The following CNTN4 variants were observed in gnomAD, a reference collection of about 807,000 sequenced individuals.
CNTN4 encodes contactin-4.
Under a neutral mutation model 122.5 loss-of-function variants are expected in CNTN4, and 77 were observed. The observed-to-expected ratio is 0.63, with a 90% CI of 0.52 to 0.76. The LOEUF is 0.76. Among genes scored for constraint, CNTN4 ranks in the 30% least tolerant of loss-of-function variants. The probability of loss-of-function intolerance (pLI) is 0.00; values close to 1 mark genes in which losing one functional copy is unlikely to be tolerated. For synonymous variants in CNTN4, 512 were observed against 447.0 expected (o/e 1.15, Z -1.83); for missense variants, 1,256 against 1,259.1 (o/e 1.00, Z 0.04).
chr3:2,286,222 TGC>T (rs201708048), intron 2 of CNTN4, among the ~76,000 whole-genome samples: 3 of 96,978 alleles, frequency 3.1e-5, no homozygotes, highest in South Asian at 7.9e-4. Flanking sequence ...TGTGTGTGTG[TGC>T]ATACACCCCC....
At chr3:2,313,238 C>A (rs1304926327) in intron 2 of CNTN4, among the ~76,000 whole-genome samples, 3 of 151,380 alleles carry the variant, frequency 2.0e-5, no homozygotes, top group Non-Finnish European at 4.4e-5. Context: ...TACAGAAAAA[C>A]AAAAATATAG....
intron 4 of CNTN4, among the ~76,000 whole-genome samples, chr3:2,593,005 A>G (rs2080573658): frequency 6.6e-6 from 1 of 152,190 alleles, no homozygotes; most frequent in Non-Finnish European, 1.5e-5. Flanking sequence ...TGAATTGGAT[A>G]TGTTTAAGCA....
rs565305972 is a variant in CNTN4, at chr3:2,647,114, C to G, written c.55+75556C>G. ...TAAAAAGCAAGGCCAGGCACGGTGG[C>G]TCACACCTGTAACCCCAGCACTTTG... is the stretch of plus-strand genomic sequence containing the variant. On this transcript the variant is annotated intron_variant, in intron 4 of 24. Transcript: ENST00000418658. Among the ~76,000 whole-genome samples the G allele has an allele frequency of 1.3e-4, 20 of 152,228 alleles. No individual in the cohort carries two copies. The East Asian group carries it at 3.3e-3, about 25-fold the overall frequency.
At chr3:2,831,049 T>C (rs1359082941) in intron 7 of CNTN4, among the ~76,000 whole-genome samples, 1 of 152,178 alleles carries the variant, frequency 6.6e-6, no homozygotes, top group African/African-American at 2.4e-5. Context: ...TTCTGATATA[T>C]TTTTTAACAT....
intron 4 of CNTN4, among the ~76,000 whole-genome samples, chr3:2,681,135 G>A (rs971677247): frequency 2.0e-5 from 3 of 152,086 alleles, no homozygotes; most frequent in Admixed American, 6.6e-5. Context: ...TGCGAGATAC[G>A]GCCCGCCACC....
At position 2,957,890 on chromosome 3, in the gene CNTN4, C is replaced by T. The variant is rs142283478; in HGVS notation, c.1359-30455C>T. ...GTCTTTGCTATTGTAAATAGTGCTGCGATGAACGTAAAGTGCATATGTCTT... is the reference window on the plus strand; with the variant it reads ...GTCTTTGCTATTGTAAATAGTGCTGTGATGAACGTAAAGTGCATATGTCTT... On this transcript the variant is annotated intron_variant, in intron 13 of 24. Transcript: ENST00000418658. Among the ~76,000 whole-genome samples the T allele has an allele frequency of 1.4e-4, 22 of 152,198 alleles. No individual in the cohort carries two copies. In the East Asian group the frequency reaches 1.5e-3, roughly 11 times the overall value.
intron 7 of CNTN4, among the ~76,000 whole-genome samples, chr3:2,849,332 T>C (rs2093507927): frequency 6.6e-6 from 1 of 152,226 alleles, no homozygotes; most frequent in African/African-American, 2.4e-5. Context: ...TAGACATGAA[T>C]AATGGTGATA....
intron 2 of CNTN4, among the ~76,000 whole-genome samples, chr3:2,136,505 T>C (rs752699955): frequency 1.3e-5 from 2 of 152,192 alleles, no homozygotes; most frequent in Non-Finnish European, 2.9e-5. Context: ...ATTGGTGATA[T>C]TCTTCCATTC....
intron 3 of CNTN4, among the ~76,000 whole-genome samples, chr3:2,356,421 G>GT (rs1459148292): frequency 6.6e-6 from 1 of 152,132 alleles, no homozygotes; most frequent in African/African-American, 2.4e-5. Context: ...ACCGTATAGG[G>GT]TAACTTCCTG....
chr3:2,545,033 C>T (rs1202597691), intron 3 of CNTN4, among the ~76,000 whole-genome samples: 3 of 152,066 alleles, frequency 2.0e-5, no homozygotes, highest in Admixed American at 1.3e-4. Context: ...TCTCTTAACA[C>T]TCTCTTAGCT....
intron 3 of CNTN4, among the ~76,000 whole-genome samples, chr3:2,431,750 A>G (rs989721407): frequency 6.6e-5 from 10 of 152,208 alleles, no homozygotes; most frequent in Non-Finnish European, 1.0e-4. Context: ...ATTATGTAGG[A>G]AAAGTACAGG....
chr3:2,561,843 T>C (rs1386663815), intron 3 of CNTN4, among the ~76,000 whole-genome samples: 1 of 152,184 alleles, frequency 6.6e-6, no homozygotes, highest in Non-Finnish European at 1.5e-5. Context: ...AAACCTGTAT[T>C]GATTTTGTCA....
At chr3:2,229,735 T>C (rs1236599218) in intron 2 of CNTN4, among the ~76,000 whole-genome samples, 1 of 152,196 alleles carries the variant, frequency 6.6e-6, no homozygotes, top group Non-Finnish European at 1.5e-5. Context: ...ATTTTTGTAA[T>C]CAATGCCTCA....
chr3:2,226,656 G>T (rs1451906515), intron 2 of CNTN4, among the ~76,000 whole-genome samples: 1 of 152,046 alleles, frequency 6.6e-6, no homozygotes. Flanking sequence ...TATTTATCAT[G>T]GATAGGGCTA....
At chr3:2,531,334 C>T (rs556286602) in intron 3 of CNTN4, among the ~76,000 whole-genome samples, 1 of 152,166 alleles carries the variant, frequency 6.6e-6, no homozygotes, top group South Asian at 2.1e-4. Context: ...ACGGGAGATA[C>T]ATTTTTGCTT....
chr3:2,296,230 T>C (rs111721460), intron 2 of CNTN4, among the ~76,000 whole-genome samples: 13,639 of 152,230 alleles, frequency 0.09, 727 homozygotes, highest in Non-Finnish European at 0.12. Context: ...CATTGGTAGC[T>C]TGATGGGGAT....
At chr3:2,345,497 A>T (rs2044368287) in intron 3 of CNTN4, among the ~76,000 whole-genome samples, 1 of 152,164 alleles carries the variant, frequency 6.6e-6, no homozygotes, top group African/African-American at 2.4e-5. Context: ...AATGGAAAGG[A>T]TTATGCTATG....
chr3:2,714,236 C>G (rs2087340023), intron 4 of CNTN4, among the ~76,000 whole-genome samples: 1 of 152,022 alleles, frequency 6.6e-6, no homozygotes, highest in Non-Finnish European at 1.5e-5. Flanking sequence ...TTATTCAGTA[C>G]TATTTATAAA....
intron 3 of CNTN4, among the ~76,000 whole-genome samples, chr3:2,404,095 T>G (rs1360483673): frequency 6.6e-6 from 1 of 152,230 alleles, no homozygotes; most frequent in Non-Finnish European, 1.5e-5. Context: ...AAGAATTGTT[T>G]CATTTCTCTG....
Sources: allele counts gnomAD v4.1 joint callset (sites outside exome capture counted in the v4.1 genomes callset), GRCh38; gene constraint gnomAD v4.1.1; transcripts MANE v1.5; gene names NCBI Gene and HGNC (gene_info 2026-07-23, HGNC 2026-07-21).